The following CCDC91 variants were observed in gnomAD, a reference collection of about 807,000 sequenced individuals.
CCDC91 encodes the protein coiled-coil domain containing 91, also known as coiled-coil domain-containing protein 91.
Under a neutral mutation model 63.2 loss-of-function variants are expected in CCDC91, and 48 were observed. The observed-to-expected ratio is 0.76, with a 90% CI of 0.60 to 0.97. CCDC91 has a LOEUF of 0.97. Ranked by LOEUF, CCDC91 falls within the 50% of genes least tolerant of loss-of-function variation. The pLI is 0.00. For synonymous variants in CCDC91, 167 were observed against 165.8 expected (o/e 1.01, Z -0.06); for missense variants, 500 against 494.6 (o/e 1.01, Z -0.10).
chr12:28,439,433 C>T (rs1949068243), intron 8 of CCDC91, among the ~76,000 whole-genome samples: 1 of 152,116 alleles, frequency 6.6e-6, no homozygotes, highest in Admixed American at 6.5e-5. Flanking sequence ...TTAAGACAAT[C>T]TTACCAGATC....
intron 11 of CCDC91, among the ~76,000 whole-genome samples, chr12:28,472,840 A>G (rs2140695517): frequency 1.3e-5 from 2 of 152,328 alleles, no homozygotes; most frequent in South Asian, 4.1e-4. Flanking sequence ...TCTCAAATGC[A>G]TAAGTGGATT....
At chr12:28,393,814 T>C (rs1333578597) in intron 8 of CCDC91, among the ~76,000 whole-genome samples, 3 of 152,194 alleles carry the variant, frequency 2.0e-5, no homozygotes, top group African/African-American at 7.2e-5. Flanking sequence ...GTTGAGCTTG[T>C]CTTTTTCTTA....
chr12:28,249,923 G>A (rs1455403141), intron 1 of CCDC91, among the ~76,000 whole-genome samples: 1 of 152,100 alleles, frequency 6.6e-6, no homozygotes, highest in African/African-American at 2.4e-5. Context: ...AGTTGATAGA[G>A]GGATAGCCCT....
intron 12 of CCDC91, among the ~76,000 whole-genome samples, chr12:28,544,094 A>G (rs1942820953): frequency 6.6e-6 from 1 of 151,780 alleles, no homozygotes; most frequent in Admixed American, 6.6e-5. Context: ...GCATGGTCAT[A>G]CTCCTGCTGA....
intron 1 of CCDC91, among the ~76,000 whole-genome samples, chr12:28,251,767 C>CT (rs1455929125): frequency 1.3e-5 from 2 of 152,046 alleles, no homozygotes; most frequent in Non-Finnish European, 2.9e-5. Context: ...TATTTCATTT[C>CT]TTGAATACAT....
intron 12 of CCDC91, among the ~76,000 whole-genome samples, chr12:28,494,668 A>G (rs1239677342): frequency 6.6e-6 from 1 of 151,748 alleles, no homozygotes; most frequent in East Asian, 1.9e-4. Flanking sequence ...TGTAGTACAG[A>G]GCCAAATAAT....
chr12:28,237,687 C>G (rs1945059408), intron 1 of CCDC91, among the ~76,000 whole-genome samples: 1 of 152,164 alleles, frequency 6.6e-6, no homozygotes, highest in African/African-American at 2.4e-5. Flanking sequence ...AACTTCTGGC[C>G]TCCAGAATTG....
chr12:28,195,685 C>T (rs1405953741), intron 1 of CCDC91, among the ~76,000 whole-genome samples: 1 of 152,132 alleles, frequency 6.6e-6, no homozygotes, highest in Non-Finnish European at 1.5e-5. Context: ...TTTCCATGTA[C>T]ATTTTAGAAT....
At chr12:28,206,791 A>G (rs1287910955) in intron 1 of CCDC91, among the ~76,000 whole-genome samples, 1 of 152,238 alleles carries the variant, frequency 6.6e-6, no homozygotes, top group African/African-American at 2.4e-5. Context: ...TTTACAGTAT[A>G]TAAAGCCTAT....
chr12:28,516,891 T>C (rs2141359600), intron 12 of CCDC91, among the ~76,000 whole-genome samples: 1 of 152,042 alleles, frequency 6.6e-6, no homozygotes, highest in Non-Finnish European at 1.5e-5. Context: ...TAAATACTCT[T>C]ACAATGGCAG....
intron 7 of CCDC91, among the ~76,000 whole-genome samples, chr12:28,380,400 C>A (rs1945226892): frequency 6.6e-6 from 1 of 152,046 alleles, no homozygotes; most frequent in South Asian, 2.1e-4. Context: ...AATAATTTTT[C>A]ACTTACTAAA....
chr12:28,493,617 T>C (rs2141024166), intron 12 of CCDC91, among the ~76,000 whole-genome samples: 1 of 151,830 alleles, frequency 6.6e-6, no homozygotes, highest in South Asian at 2.1e-4. Flanking sequence ...TTAATAAACA[T>C]ACACTACCTG....
chr12:28,452,887 A>C (rs1212313344), intron 11 of CCDC91, among the ~76,000 whole-genome samples: 1 of 151,716 alleles, frequency 6.6e-6, no homozygotes, highest in Non-Finnish European at 1.5e-5. Context: ...TTACCCTTTT[A>C]CTTTATTTTC....
intron 1 of CCDC91, among the ~76,000 whole-genome samples, chr12:28,207,348 C>T (rs1591985189): frequency 6.6e-6 from 1 of 151,992 alleles, no homozygotes; most frequent in Non-Finnish European, 1.5e-5. Context: ...AGATTATGAA[C>T]CCAAGGTTCA....
At chr12:28,193,076 GGTT>G (rs1463167247) in intron 1 of CCDC91, among the ~76,000 whole-genome samples, 3 of 152,104 alleles carry the variant, frequency 2.0e-5, no homozygotes, top group African/African-American at 7.2e-5. Context: ...GTTGATGCTT[GGTT>G]GTTTTTTACA....
At position 28,503,510 on chromosome 12, in the gene CCDC91, T is replaced by G. The variant is rs1029827944; in HGVS notation, c.1215+19345T>G. Among the ~76,000 whole-genome samples the G allele has an allele frequency of 8.5e-5, 13 of 152,258 alleles. No homozygotes were observed. The South Asian group carries it at 2.7e-3, about 32-fold the overall frequency. On this transcript the variant is annotated intron_variant, in intron 12 of 12. Coordinates refer to ENST00000536442, the MANE Select transcript of CCDC91 (RefSeq NM_018318.5). ...TGGGACTGTAAACTAGTTCAACCAT[T>G]GTGGAAGTGAGTGTGGCGATTCCTC...
intron 12 of CCDC91, among the ~76,000 whole-genome samples, chr12:28,538,649 G>A (rs140421259): frequency 0.095 from 14,487 of 151,984 alleles, 2,108 homozygotes; most frequent in African/African-American, 0.32. Flanking sequence ...GTCAAATGCT[G>A]TTTCTAGTTA....
At chr12:28,230,684 G>A (rs1232307398) in intron 1 of CCDC91, among the ~76,000 whole-genome samples, 2 of 152,082 alleles carry the variant, frequency 1.3e-5, no homozygotes, top group Non-Finnish European at 2.9e-5. Context: ...GAGTGCAGTG[G>A]TGTGATCATG....
At chr12:28,463,744 T>C (rs1176588519) in intron 11 of CCDC91, among the ~76,000 whole-genome samples, 1 of 152,148 alleles carries the variant, frequency 6.6e-6, no homozygotes, top group African/African-American at 2.4e-5. Flanking sequence ...TAATAAAAAT[T>C]GACCATTTTG....
Sources: gnomAD v4.1 joint callset for allele counts (sites outside exome capture counted in the v4.1 genomes callset) on GRCh38, gnomAD v4.1.1 for gene constraint, MANE v1.5 for transcripts, NCBI Gene and HGNC (gene_info 2026-07-23, HGNC 2026-07-21) for gene names.